Variants in TBC1D21 observed in about 807,000 individuals in gnomAD.
TBC1D21 encodes the protein TBC1 domain family member 21.
A neutral mutation model predicts 46.0 loss-of-function variants in TBC1D21; 38 were observed. That is an observed-to-expected ratio of 0.83 (90% CI 0.64 to 1.08). The LOEUF is 1.08. Among genes scored for constraint, TBC1D21 ranks in the 50% least tolerant of loss-of-function variants. The probability of loss-of-function intolerance (pLI) is 0.00; values close to 1 mark genes in which losing one functional copy is unlikely to be tolerated. For missense variants in TBC1D21, 415 were observed against 417.9 expected, an observed-to-expected ratio of 0.99 and a Z score of 0.06; for synonymous variants, 151 against 157.2, an observed-to-expected ratio of 0.96 and a Z score of 0.29.
At chr15:73,880,089 G>T (rs1256609908) in intron 1 of TBC1D21, among the ~76,000 whole-genome samples, 1 of 152,052 alleles carries the variant, frequency 6.6e-6, no homozygotes, top group Non-Finnish European at 1.5e-5. Flanking sequence ...TAGAGACAGG[G>T]TTTCACCATG....
chr15:73,897,267 A>C, the TBC1D21 span, among the ~76,000 whole-genome samples: 453 of 151,936 alleles, frequency 3.0e-3, 2 homozygotes, highest in African/African-American at 0.01. Context: ...AATATACTTA[A>C]CCTCTTTGAG....
chr15:73,877,108 G>A (rs1376045531), intron 1 of TBC1D21, among the ~76,000 whole-genome samples: 3 of 152,146 alleles, frequency 2.0e-5, no homozygotes, highest in Non-Finnish European at 2.9e-5. Context: ...AGATTAAATG[G>A]GTTGATATAT....
the TBC1D21 span, among the ~76,000 whole-genome samples, chr15:73,895,412 C>T: frequency 1.6e-4 from 25 of 152,148 alleles, no homozygotes; most frequent in Non-Finnish European, 2.9e-4. Flanking sequence ...TTTCCAGGAG[C>T]TCTGGAATAG....
At chr15:73,902,838 C>T in the TBC1D21 span, among the ~76,000 whole-genome samples, 1 of 152,204 alleles carries the variant, frequency 6.6e-6, no homozygotes, top group Non-Finnish European at 1.5e-5. Flanking sequence ...AGCTGAGTGC[C>T]CTGGTGGCTC....
chr15:73,877,417 T>C (rs1470325118), intron 1 of TBC1D21, among the ~76,000 whole-genome samples: 1 of 149,872 alleles, frequency 6.7e-6, no homozygotes, highest in Non-Finnish European at 1.5e-5. Context: ...TTAAAAACTT[T>C]CCCACAAAGA....
chr15:73,876,318 C>T (rs1250898991), intron 1 of TBC1D21, among the ~76,000 whole-genome samples: 4 of 142,166 alleles, frequency 2.8e-5, no homozygotes, highest in African/African-American at 1.0e-4. Flanking sequence ...AGCTCCGCCT[C>T]CTGGGTTCAC....
At chr15:73,883,876 A>G (rs2141569740) in intron 3 of TBC1D21, among the ~76,000 whole-genome samples, 1 of 152,278 alleles carries the variant, frequency 6.6e-6, no homozygotes, top group African/African-American at 2.4e-5. Context: ...AGTGGCAGAC[A>G]CCCCGTTATT....
chr15:73,897,999 C>A, the TBC1D21 span, among the ~76,000 whole-genome samples: 1 of 152,154 alleles, frequency 6.6e-6, no homozygotes, highest in Non-Finnish European at 1.5e-5. Flanking sequence ...AGTGTAGTTC[C>A]GTGTGATTCA....
the TBC1D21 span, among the ~76,000 whole-genome samples, chr15:73,902,578 C>T: frequency 5.3e-5 from 8 of 152,214 alleles, no homozygotes; most frequent in Non-Finnish European, 1.2e-4. Context: ...CCACCATGCT[C>T]GATGGTGGCA....
rs57897774 is a variant in TBC1D21, at chr15:73,880,304, C to CCA, written c.61-1071_61-1070dup. Among the ~76,000 whole-genome samples, 522 of 149,214 alleles carry CCA rather than the reference C, an allele frequency of 3.5e-3. 4 individuals are homozygous for CCA. Among genetic ancestry groups the CCA allele is most frequent in the South Asian group, 0.017 (81 of 4,650 alleles). On this transcript the variant is annotated intron_variant, in intron 1 of 10. Transcript: ENST00000300504. ...CATACACATAGCACACAGATATATA[C>CCA]CACACACACACACACACACACACAC...
chr15:73,903,821 C>T, the TBC1D21 span, among the ~76,000 whole-genome samples: 5 of 152,028 alleles, frequency 3.3e-5, no homozygotes, highest in African/African-American at 4.8e-5. Flanking sequence ...TTTGGGAGGC[C>T]GAGGGGCTTG....
the TBC1D21 span, among the ~76,000 whole-genome samples, chr15:73,895,907 A>G: frequency 1.3e-5 from 2 of 152,192 alleles, no homozygotes; most frequent in African/African-American, 4.8e-5. Context: ...TCCTCACTCA[A>G]GTCCCAGGAA....
At chr15:73,888,184 CT>C (rs2068284576) in intron 9 of TBC1D21, among the ~76,000 whole-genome samples, 1 of 152,210 alleles carries the variant, frequency 6.6e-6, no homozygotes, top group Non-Finnish European at 1.5e-5. Context: ...TTCAAAGCCC[CT>C]AAGACACTTG....
chr15:73,896,179 G>T, the TBC1D21 span, among the ~76,000 whole-genome samples: 1 of 69,192 alleles, frequency 1.4e-5, no homozygotes, highest in African/African-American at 3.9e-5. Context: ...GGAGGTACTG[G>T]TAGTGGCAGC....
the TBC1D21 span, among the ~76,000 whole-genome samples, chr15:73,900,536 G>A: frequency 2.0e-5 from 3 of 152,140 alleles, no homozygotes; most frequent in Non-Finnish European, 4.4e-5. Flanking sequence ...CAGAGCTACT[G>A]GGGGACTGGG....
At chr15:73,892,432 A>G (rs2068344628), downstream of TBC1D21, among the ~76,000 whole-genome samples, 1 of 152,198 alleles carries the variant, frequency 6.6e-6, no homozygotes, top group Non-Finnish European at 1.5e-5. Context: ...TCCCAGACCT[A>G]GGAGCTCCCC....
intron 1 of TBC1D21, among the ~76,000 whole-genome samples, chr15:73,877,544 A>G (rs1268818835): frequency 5.1e-5 from 3 of 58,974 alleles, no homozygotes; most frequent in Non-Finnish European, 4.1e-5. Flanking sequence ...AAAAAAAAAA[A>G]AAAAAAGAAA....
At chr15:73,877,129 T>C (rs1421346926) in intron 1 of TBC1D21, among the ~76,000 whole-genome samples, 1 of 152,258 alleles carries the variant, frequency 6.6e-6, no homozygotes, top group Non-Finnish European at 1.5e-5. Flanking sequence ...GTAAAGTGCT[T>C]AGAACAGTGT....
downstream of TBC1D21, among the ~76,000 whole-genome samples, chr15:73,890,124 G>A (rs2068324599): frequency 6.6e-6 from 1 of 152,230 alleles, no homozygotes; most frequent in Admixed American, 6.5e-5. Flanking sequence ...TGCTTTTGCT[G>A]TGAACTGGTC....
Sources: allele counts gnomAD v4.1 joint callset (sites outside exome capture counted in the v4.1 genomes callset), GRCh38; gene constraint gnomAD v4.1.1; transcripts MANE v1.5; gene names NCBI Gene and HGNC (gene_info 2026-07-23, HGNC 2026-07-21).